SESN2: variants seen among roughly 807,000 people sequenced by gnomAD.
SESN2 encodes sestrin-2.
In SESN2, 42 loss-of-function variants were observed where a neutral mutation model predicts 56.0. The observed-to-expected ratio is 0.75, with a 90% CI of 0.59 to 0.97. The LOEUF (loss-of-function observed/expected upper bound fraction) is 0.97. Among genes scored for constraint, SESN2 ranks in the 50% least tolerant of loss-of-function variants. The pLI is 0.00. For synonymous variants in SESN2, 264 were observed against 267.1 expected (o/e 0.99, Z 0.11); for missense variants, 507 against 649.4 (o/e 0.78, Z 2.38).
intron 1 of SESN2, among the ~76,000 whole-genome samples, chr1:28,260,226 C>T (rs1425341854): frequency 1.3e-5 from 2 of 151,732 alleles, no homozygotes; most frequent in Non-Finnish European, 2.9e-5. Context: ...CTCCCTCGGA[C>T]TCCTGGCCAA....
chr1:28,273,950 C>A, intron 6 of SESN2, 90 bp from the exon 7 acceptor site: 1 of 877,616 alleles, frequency 1.1e-6, no homozygotes, highest in East Asian at 2.4e-5. Context: ...CTCTATTCTG[C>A]CTTCCCCTCC....
At chr1:28,269,133 C>G (rs1226405736) in intron 1 of SESN2, 50 bp from the exon 2 acceptor site, 2 of 1,373,328 alleles carry the variant, frequency 1.5e-6, no homozygotes, top group Middle Eastern at 1.8e-4. Flanking sequence ...GGTAATAATC[C>G]TCTTTATTCT....
intron 6 of SESN2, among the ~76,000 whole-genome samples, chr1:28,273,731 G>T (rs537757051): frequency 1.3e-5 from 2 of 152,312 alleles, no homozygotes; most frequent in Non-Finnish European, 2.9e-5. Flanking sequence ...AGGGCTTCAG[G>T]ATTGCTGTGT....
rs1285350714 is a variant in SESN2 at position 28,259,555 on chromosome 1, G to C, written c.-293G>C. 6 of 334,522 alleles carry C rather than the reference G, an allele frequency of 1.8e-5. No homozygotes were observed. The highest frequency in any genetic ancestry group is 3.2e-5 in the Non-Finnish European group (6 of 185,072). The allele number at this position is 334,522 out of a possible 1,614,324, so 20.7% of individuals were successfully genotyped here. A position where few individuals can be genotyped will look rare whatever the true frequency, so the allele number is the denominator to read the frequency against. Reference sequence around the variant, plus strand: ...GCGGCGGGGATGCTGAGGAGCGCTGGGTCCGGGAGCAGCCCTGGCCCCTGC... The same window carrying C: ...GCGGCGGGGATGCTGAGGAGCGCTGCGTCCGGGAGCAGCCCTGGCCCCTGC... On this transcript the variant is annotated 5_prime_UTR_variant, in exon 1 of 10. Coordinates refer to ENST00000253063, the MANE Select transcript of SESN2 (RefSeq NM_031459.5).
intron 1 of SESN2, among the ~76,000 whole-genome samples, chr1:28,262,104 C>CCT (rs1043478646): frequency 6.6e-6 from 1 of 151,812 alleles, no homozygotes; most frequent in Non-Finnish European, 1.5e-5. Flanking sequence ...TCTGTGTATT[C>CCT]CTCTCTCGAG....
intron 2 of SESN2, 77 bp from the exon 3 acceptor site, chr1:28,271,597 C>T (rs1018601732): frequency 1.7e-6 from 2 of 1,163,234 alleles, no homozygotes; most frequent in East Asian, 4.7e-5. Context: ...ATTAAAAACC[C>T]ACTGGAAGAA....
intron 2 of SESN2, among the ~76,000 whole-genome samples, chr1:28,270,489 C>G (rs2149038112): frequency 6.6e-6 from 1 of 152,264 alleles, no homozygotes; most frequent in Admixed American, 6.5e-5. Context: ...GGCGAACAAC[C>G]ACTTGCCGAT....
Position 28,274,837 on chromosome 1 carries a change from G to T in SESN2, c.1033G>T (p.Glu345Ter). ...CCACCTACCTAAGGATTATACCTGG[G>T]AAGACCATGGCTACTCGCTGATCCA... ...PTFRAQDYTW[E>*]DHGYSLIQRL... The change falls in exon 8 of 10, where the codon GAA becomes TAA. Residue 345 changes from glutamate (E) to a stop codon, truncating the protein, a stop_gained. Coordinates refer to ENST00000253063, the MANE Select transcript of SESN2 (RefSeq NM_031459.5). LOFTEE classifies it high-confidence loss of function. 6.2e-7 allele frequency: 1 copy of T among 1,613,290 alleles called. No homozygotes were observed. Among genetic ancestry groups the T allele is most frequent in the Non-Finnish European group, 8.5e-7 (1 of 1,179,416 alleles).
At chr1:28,271,173 G>C (rs1023638158) in intron 2 of SESN2, among the ~76,000 whole-genome samples, 5 of 152,142 alleles carry the variant, frequency 3.3e-5, no homozygotes, top group African/African-American at 1.2e-4. Context: ...CACCTCACAG[G>C]CTTATTGGCT....
intron 1 of SESN2, among the ~76,000 whole-genome samples, chr1:28,268,177 C>CG (rs1647624963): frequency 6.6e-6 from 1 of 151,850 alleles, no homozygotes; most frequent in South Asian, 2.1e-4. Context: ...CTAAGGAGGC[C>CG]GGGGGACAAC....
intron 1 of SESN2, among the ~76,000 whole-genome samples, chr1:28,261,216 G>A (rs59657216): frequency 0.01 from 1,552 of 152,208 alleles, 29 homozygotes; most frequent in African/African-American, 0.036. Flanking sequence ...TTTGTGCCCT[G>A]GTTTTTGTTA....
intron 1 of SESN2, among the ~76,000 whole-genome samples, chr1:28,265,088 C>CT (rs143560172): frequency 0.022 from 3,364 of 152,270 alleles, 62 homozygotes; most frequent in Non-Finnish European, 0.033. Context: ...AATGGAAGCC[C>CT]TAGTAGTAGC....
intron 1 of SESN2, among the ~76,000 whole-genome samples, chr1:28,266,556 C>CT (rs71586835): frequency 0.18 from 21,070 of 116,960 alleles, 2,500 homozygotes; most frequent in Middle Eastern, 0.25. Context: ...AGAGCCCCAT[C>CT]TTTTTTTTTT....
chr1:28,276,088 A>C (rs920450947), intron 8 of SESN2, among the ~76,000 whole-genome samples: 3 of 152,148 alleles, frequency 2.0e-5, no homozygotes, highest in Non-Finnish European at 4.4e-5. Flanking sequence ...CAGAGGTTGC[A>C]GTGAGCTGAG....
chr1:28,277,352 A>G (rs776534227), intron 8 of SESN2, among the ~76,000 whole-genome samples: 1 of 152,008 alleles, frequency 6.6e-6, no homozygotes, highest in Non-Finnish European at 1.5e-5. Context: ...AGTAGCTGGA[A>G]CTATAGGTGG....
At chr1:28,262,913 G>A (rs1647431200) in intron 1 of SESN2, among the ~76,000 whole-genome samples, 1 of 152,206 alleles carries the variant, frequency 6.6e-6, no homozygotes, top group Non-Finnish European at 1.5e-5. Context: ...GGGTGACAGA[G>A]TGAGACTCCG....
chr1:28,269,067 A>G lies in SESN2; in HGVS notation c.91-116A>G, dbSNP rs1647662066. ...GGCTCCACCATCCAAAGTATGCTAG[A>G]AAGGTGGGTTTAACACTTCAGTGTA... On this transcript the variant is annotated intron_variant, in intron 1 of 9. Transcript: ENST00000253063. The G allele has an allele frequency of 1.1e-5, 7 of 621,838 alleles. No individual in the cohort carries two copies. The South Asian group carries it at 1.7e-4, about 15-fold the overall frequency. 38.5% of individuals were successfully genotyped at this position (621,838 alleles called of 1,614,324 possible). A position where few individuals can be genotyped will look rare whatever the true frequency, so the allele number is the denominator to read the frequency against.
In SESN2 at chr1:28,274,940, C is replaced by G. The variant is rs557999133; in HGVS notation, c.1136C>G (p.Ala379Gly). The change falls in exon 8 of 10, where the codon GCC (alanine) becomes GGC (glycine). Residue 379 changes from alanine (A) to glycine (G), a missense_variant. Physicochemically the swap from Ala to Gly is moderately conservative, Grantham distance 60. Transcript: ENST00000253063. ...TATAGCCTCACCTACAATACCATCG[C>G]CATGCACAGTGGTGTGGACACCTCC... is the stretch of plus-strand genomic sequence containing the variant. The part of the protein sequence containing the change: ...AAYSLTYNTI[A>G]MHSGVDTSVL... The G allele has an allele frequency of 3.7e-6, 6 of 1,614,182 alleles. No homozygotes were observed. The Admixed American group carries it at 1.0e-4, about 27-fold the overall frequency.
chr1:28,259,559 C>T lies in SESN2; in HGVS notation c.-289C>T. ...CGGGGATGCTGAGGAGCGCTGGGTC[C>T]GGGAGCAGCCCTGGCCCCTGCGGAC... On this transcript the variant is annotated 5_prime_UTR_variant, in exon 1 of 10. Transcript: ENST00000253063. 2.9e-6 allele frequency: 1 copy of T among 340,306 alleles called. No homozygotes were observed. Among genetic ancestry groups the T allele is most frequent in the Non-Finnish European group, 5.3e-6 (1 of 188,594 alleles). 21.1% of individuals were successfully genotyped at this position (340,306 alleles called of 1,614,324 possible).
Sources: gnomAD v4.1 joint callset for allele counts (sites outside exome capture counted in the v4.1 genomes callset) on GRCh38, gnomAD v4.1.1 for gene constraint, MANE v1.5 for transcripts, NCBI Gene and HGNC (gene_info 2026-07-23, HGNC 2026-07-21) for gene names.